The following EPM2A variants were observed in gnomAD, a reference collection of about 807,000 sequenced individuals.
EPM2A encodes laforin.
Under a neutral mutation model 26.5 loss-of-function variants are expected in EPM2A, and 21 were observed. The ratio of observed to expected loss-of-function variants is 0.79; its 90% CI spans 0.56 to 1.14. The LOEUF (loss-of-function observed/expected upper bound fraction) is 1.14, where lower values mean the gene tolerates loss of function less well. Ranked by LOEUF, EPM2A falls within the 50% of genes most tolerant of loss-of-function variation. The pLI is 0.00. For missense variants in EPM2A, 458 were observed against 440.8 expected (o/e 1.04, Z -0.35); for synonymous variants, 217 against 177.6 (o/e 1.22, Z -1.76).
chr6:145,733,989 T>C (rs1286814585), intron 1 of EPM2A, among the ~76,000 whole-genome samples: 4 of 152,320 alleles, frequency 2.6e-5, no homozygotes, highest in Non-Finnish European at 2.9e-5. Flanking sequence ...CAGACACTGT[T>C]GGCGGGAGCC....
chr6:145,414,705 C>T (rs1243782583), intron 4 of EPM2A, among the ~76,000 whole-genome samples: 1 of 152,036 alleles, frequency 6.6e-6, no homozygotes, highest in Non-Finnish European at 1.5e-5. Context: ...TACCCTCTGA[C>T]CTGCAAGTCC....
chr6:145,383,774 T>G (rs1778222217), exon 5 of EPM2A: 2 of 152,198 alleles, frequency 1.3e-5, no homozygotes, highest in African/African-American at 4.8e-5. Context: ...ACACAAGATT[T>G]CAACTTTTGT....
chr6:145,431,734 TTAAAA>T (rs754124097), intron 4 of EPM2A, among the ~76,000 whole-genome samples: 3 of 152,210 alleles, frequency 2.0e-5, no homozygotes, highest in African/African-American at 7.2e-5. Context: ...CAGTAATTTC[TTAAAA>T]TAAGACAACA....
At chr6:145,667,807 A>G (rs1466280395) in intron 2 of EPM2A, among the ~76,000 whole-genome samples, 3 of 142,610 alleles carry the variant, frequency 2.1e-5, no homozygotes, top group African/African-American at 8.1e-5. Flanking sequence ...AATGTGGCAC[A>G]TATACACCAT....
intron 4 of EPM2A, among the ~76,000 whole-genome samples, chr6:145,416,855 A>G (rs1054915842): frequency 5.3e-5 from 8 of 151,920 alleles, no homozygotes; most frequent in African/African-American, 1.9e-4. Flanking sequence ...GGAAATGTAC[A>G]CTGATTTCTT....
intron 4 of EPM2A, among the ~76,000 whole-genome samples, chr6:145,459,951 C>G (rs1434694349): frequency 6.6e-6 from 1 of 152,072 alleles, no homozygotes; most frequent in Non-Finnish European, 1.5e-5. Flanking sequence ...AAACAGAGGT[C>G]CAGACCAGTT....
chr6:145,681,522 T>A (rs1249547483), intron 2 of EPM2A, among the ~76,000 whole-genome samples: 1 of 149,818 alleles, frequency 6.7e-6, no homozygotes, highest in Non-Finnish European at 1.5e-5. Context: ...TTTTATGGTT[T>A]TAGGTCTAAT....
At chr6:145,731,344 A>G (rs1776474294) in intron 1 of EPM2A, among the ~76,000 whole-genome samples, 1 of 152,206 alleles carries the variant, frequency 6.6e-6, no homozygotes, top group Non-Finnish European at 1.5e-5. Flanking sequence ...CATATCCTTC[A>G]TTCATAAAAA....
intron 4 of EPM2A, among the ~76,000 whole-genome samples, chr6:145,447,224 T>C (rs1344713322): frequency 3.3e-5 from 5 of 152,194 alleles, no homozygotes; most frequent in Non-Finnish European, 7.4e-5. Flanking sequence ...GCTTTTCTAA[T>C]AATTCTTTCA....
intron 2 of EPM2A, among the ~76,000 whole-genome samples, chr6:145,546,492 C>A (rs554675958): frequency 6.6e-6 from 1 of 152,206 alleles, no homozygotes; most frequent in African/African-American, 2.4e-5. Context: ...CACAGACATA[C>A]CCAGAAATAA....
intron 1 of EPM2A, among the ~76,000 whole-genome samples, chr6:145,703,912 ATCT>A (rs781481321): frequency 8.1e-4 from 124 of 152,354 alleles, no homozygotes; most frequent in Middle Eastern, 6.8e-3. Context: ...CTGTGTGATG[ATCT>A]TCTGATGATA....
At chr6:145,509,940 C>A (rs1053663416) in intron 2 of EPM2A, among the ~76,000 whole-genome samples, 8 of 151,862 alleles carry the variant, frequency 5.3e-5, no homozygotes, top group African/African-American at 1.9e-4. Context: ...ACTATTCTTG[C>A]ATCATATAAA....
chr6:145,568,322 CTT>C lies in EPM2A; in HGVS notation c.341-65749_341-65748del, dbSNP rs35034106. Among the ~76,000 whole-genome samples, 584 of 139,936 alleles carry C rather than the reference CTT, an allele frequency of 4.2e-3. 1 individual carries two copies. The highest frequency in any genetic ancestry group is 9.1e-3 in the African/African-American group (347 of 38,020). 91.8% of individuals were successfully genotyped at this position (139,936 alleles called of 152,430 possible). A position where few individuals can be genotyped will look rare whatever the true frequency, so the allele number is the denominator to read the frequency against. The stretch of plus-strand genomic sequence containing the variant: ...CAGAACAGTAACCCAGGACATCTGA[CTT>C]TTTTTTTTTTTTTTTGACGGAGTCT... On this transcript the variant is annotated intron_variant, in intron 2 of 3. Transcript: ENST00000450221.
At chr6:145,548,609 G>T (rs147575774) in intron 2 of EPM2A, among the ~76,000 whole-genome samples, 1 of 152,116 alleles carries the variant, frequency 6.6e-6, no homozygotes, top group East Asian at 1.9e-4. Context: ...GGGAAACAAG[G>T]TACACATGGT....
In EPM2A at chr6:145,591,600, A is replaced by G. The variant is rs1168925476; in HGVS notation, c.340+43645T>C. Among the ~76,000 whole-genome samples the G allele has an allele frequency of 3.3e-5, 5 of 152,158 alleles. No individual in the cohort carries two copies. In the East Asian group the frequency reaches 9.6e-4, roughly 29 times the overall value. ...AACTTAGAACTCTACATTCAACAAA[A>G]TTATCTTTAAAAAGTGAAGGAGAAA... On this transcript the variant is annotated intron_variant, in intron 2 of 3. Coordinates refer to the EPM2A transcript ENST00000450221.
intron 2 of EPM2A, among the ~76,000 whole-genome samples, chr6:145,542,087 A>T (rs947314028): frequency 1.3e-5 from 2 of 152,216 alleles, no homozygotes; most frequent in Non-Finnish European, 2.9e-5. Context: ...AACATAACTG[A>T]AAGGAAAACA....
At position 145,490,239 on chromosome 6, in the gene EPM2A, C is replaced by G. The variant is rs556393719; in HGVS notation, c.555+12283G>C. 8.1e-6 allele frequency: 10 copies of G among 1,228,194 alleles called. 1 individual carries two copies. The highest frequency in any genetic ancestry group is 2.3e-5 in the Admixed American group (1 of 42,924). The allele number at this position is 1,228,194 out of a possible 1,614,324, so 76.1% of individuals were successfully genotyped here. A position where few individuals can be genotyped will look rare whatever the true frequency, so the allele number is the denominator to read the frequency against. The stretch of plus-strand genomic sequence containing the variant: ...TTACTTCCTTGCATAAACCACAAGT[C>G]ACATAAAGAACAATAGTTGGGTTTA... On this transcript the variant is annotated intron_variant, in intron 4 of 4. Transcript: ENST00000638717.
chr6:145,705,632 T>G (rs1782180586), intron 1 of EPM2A: 3 of 449,228 alleles, frequency 6.7e-6, no homozygotes, highest in Admixed American at 2.4e-5. Flanking sequence ...GGCTAGGGGC[T>G]CTTGTTCACA....
intron 2 of EPM2A, among the ~76,000 whole-genome samples, chr6:145,608,084 C>A (rs1262840415): frequency 1.3e-5 from 2 of 152,176 alleles, no homozygotes; most frequent in African/African-American, 4.8e-5. Context: ...TCCCAAAATA[C>A]TACATACAAT....
Sources: gnomAD v4.1 joint callset for allele counts (sites outside exome capture counted in the v4.1 genomes callset) on GRCh38, gnomAD v4.1.1 for gene constraint, MANE v1.5 for transcripts, NCBI Gene and HGNC (gene_info 2026-07-23, HGNC 2026-07-21) for gene names.